CCSER1: variants seen among roughly 807,000 people sequenced by gnomAD.
CCSER1 encodes the protein coiled-coil serine rich protein 1.
Under a neutral mutation model 82.0 loss-of-function variants are expected in CCSER1, and 41 were observed. The ratio of observed to expected loss-of-function variants is 0.50; its 90% CI spans 0.39 to 0.65. The LOEUF is 0.65. Ranked by LOEUF, CCSER1 falls within the 30% of genes least tolerant of loss-of-function variation. The pLI is 0.00. For missense variants in CCSER1, 1,119 were observed against 1,064.2 expected (o/e 1.05, Z -0.72); for synonymous variants, 414 against 383.9 (o/e 1.08, Z -0.92).
intron 10 of CCSER1, among the ~76,000 whole-genome samples, chr4:91,445,056 G>A (rs1346244725): frequency 6.6e-6 from 1 of 152,176 alleles, no homozygotes; most frequent in East Asian, 1.9e-4. Flanking sequence ...TCCTGAAAAT[G>A]TGAGTATAAA....
intron 10 of CCSER1, among the ~76,000 whole-genome samples, chr4:91,164,005 A>T (rs950609803): frequency 6.6e-6 from 1 of 152,090 alleles, no homozygotes; most frequent in Non-Finnish European, 1.5e-5. Flanking sequence ...TCGTTAGTTG[A>T]TGCAGTTTCT....
At chr4:90,149,816 GAAA>G (rs1005692783) in intron 1 of CCSER1, among the ~76,000 whole-genome samples, 1 of 151,760 alleles carries the variant, frequency 6.6e-6, no homozygotes. Context: ...ATTCAGTAAA[GAAA>G]AAAAGAGCAA....
intron 1 of CCSER1, among the ~76,000 whole-genome samples, chr4:90,140,979 T>C (rs918742451): frequency 3.3e-5 from 5 of 151,842 alleles, no homozygotes; most frequent in African/African-American, 1.2e-4. Flanking sequence ...TCTACTTTTT[T>C]AGAATGAAGG....
chr4:90,960,034 G>A (rs1391322084), intron 9 of CCSER1, among the ~76,000 whole-genome samples: 1 of 151,966 alleles, frequency 6.6e-6, no homozygotes, highest in Non-Finnish European at 1.5e-5. Flanking sequence ...GGCAAGAATC[G>A]CTTAAATTCC....
intron 10 of CCSER1, among the ~76,000 whole-genome samples, chr4:91,583,913 G>T (rs1763859607): frequency 6.6e-6 from 1 of 151,252 alleles, no homozygotes; most frequent in African/African-American, 2.4e-5. Context: ...GGACTAAGGA[G>T]GATTCTACAA....
At chr4:90,376,357 A>G (rs181724490) in intron 3 of CCSER1, among the ~76,000 whole-genome samples, 146 of 152,326 alleles carry the variant, frequency 9.6e-4, no homozygotes, top group African/African-American at 3.4e-3. Flanking sequence ...TCTTGAAGGC[A>G]TTCAGTCTCA....
intron 8 of CCSER1, chr4:90,911,200 G>A: frequency 2.4e-6 from 1 of 425,352 alleles, no homozygotes; most frequent in Non-Finnish European, 4.6e-6. Context: ...TTTCAAGTTA[G>A]CAATTTTCTA....
chr4:90,392,980 A>G (rs1262910441), intron 3 of CCSER1, among the ~76,000 whole-genome samples: 1 of 152,184 alleles, frequency 6.6e-6, no homozygotes, highest in African/African-American at 2.4e-5. Flanking sequence ...TTAAAAATAT[A>G]TGCACTACTG....
At chr4:91,429,142 A>C (rs1388519995) in intron 10 of CCSER1, among the ~76,000 whole-genome samples, 1 of 151,872 alleles carries the variant, frequency 6.6e-6, no homozygotes, top group Non-Finnish European at 1.5e-5. Flanking sequence ...CTATTATTTC[A>C]TTTTTATGCC....
chr4:90,622,183 G>GA (rs1290117292), intron 5 of CCSER1, among the ~76,000 whole-genome samples: 1 of 152,166 alleles, frequency 6.6e-6, no homozygotes, highest in Non-Finnish European at 1.5e-5. Context: ...CATTAAAAAT[G>GA]AAGTCTTACC....
At chr4:91,212,843 G>T (rs1029154477) in intron 10 of CCSER1, among the ~76,000 whole-genome samples, 1 of 152,062 alleles carries the variant, frequency 6.6e-6, no homozygotes, top group African/African-American at 2.4e-5. Flanking sequence ...AACACAGGTA[G>T]TAAGCATAGT....
At chr4:90,384,085 C>T (rs892193540) in intron 3 of CCSER1, among the ~76,000 whole-genome samples, 13 of 151,426 alleles carry the variant, frequency 8.6e-5, no homozygotes, top group African/African-American at 3.1e-4. Flanking sequence ...TTCGAACCCT[C>T]GTTTTTTTTG....
intron 9 of CCSER1, among the ~76,000 whole-genome samples, chr4:90,960,571 A>C (rs1442328681): frequency 6.6e-6 from 1 of 152,174 alleles, no homozygotes; most frequent in Admixed American, 6.6e-5. Context: ...GCCTATCCCC[A>C]GCTCAGACAG....
At chr4:91,299,210 C>T (rs1418750282) in intron 10 of CCSER1, among the ~76,000 whole-genome samples, 2 of 151,882 alleles carry the variant, frequency 1.3e-5, no homozygotes, top group Non-Finnish European at 2.9e-5. Context: ...GAGGCAGACA[C>T]AAATTTGATG....
At chr4:90,592,465 A>G (rs1346294221) in intron 5 of CCSER1, among the ~76,000 whole-genome samples, 1 of 152,150 alleles carries the variant, frequency 6.6e-6, no homozygotes, top group African/African-American at 2.4e-5. Context: ...ATGTGTGAGG[A>G]TTGGATAAGC....
intron 6 of CCSER1, among the ~76,000 whole-genome samples, chr4:90,628,998 T>C (rs1723843616): frequency 6.6e-6 from 1 of 152,186 alleles, no homozygotes; most frequent in African/African-American, 2.4e-5. Flanking sequence ...GGCAACAGCC[T>C]GAAATTTGTG....
rs3043087 is a variant in CCSER1 at position 91,037,232 on chromosome 4, T to TCACACA, written c.2173-48697_2173-48692dup. Among the ~76,000 whole-genome samples the TCACACA allele has an allele frequency of 6.0e-4, 88 of 146,426 alleles. 1 individual carries two copies. The highest frequency in any genetic ancestry group is 2.0e-3 in the African/African-American group (78 of 39,640). On this transcript the variant is annotated intron_variant, in intron 9 of 10. Coordinates refer to ENST00000509176, the MANE Select transcript of CCSER1 (RefSeq NM_001145065.2). ...CAATCTTTGTGTCTTTCTATCTCTG[T>TCACACA]CACACACACACACACACACACACAC...
At chr4:91,244,246 T>TAGTCTAGA (rs1739591490) in intron 10 of CCSER1, among the ~76,000 whole-genome samples, 1 of 152,216 alleles carries the variant, frequency 6.6e-6, no homozygotes, top group African/African-American at 2.4e-5. Flanking sequence ...TTAGCCACTG[T>TAGTCTAGA]AGTCTAGAAC....
chr4:90,766,345 C>A (rs915467515), intron 7 of CCSER1, among the ~76,000 whole-genome samples: 15 of 152,074 alleles, frequency 9.9e-5, no homozygotes, highest in Admixed American at 6.6e-4. Context: ...CAACTGAATT[C>A]TTGAGGATCA....
Sources: allele counts gnomAD v4.1 joint callset (sites outside exome capture counted in the v4.1 genomes callset), GRCh38; gene constraint gnomAD v4.1.1; transcripts MANE v1.5; gene names NCBI Gene and HGNC (gene_info 2026-07-23, HGNC 2026-07-21).